Variants in SORCS3 observed in about 807,000 individuals in gnomAD.
SORCS3 encodes the protein sortilin related VPS10 domain containing receptor 3.
A neutral mutation model predicts 146.3 loss-of-function variants in SORCS3; 57 were observed. That is an observed-to-expected ratio of 0.39 (90% CI 0.31 to 0.49). The LOEUF is 0.49. Among genes scored for constraint, SORCS3 ranks in the 20% least tolerant of loss-of-function variants. The pLI, the probability that SORCS3 is intolerant of heterozygous loss-of-function variation, is 0.92. For missense variants in SORCS3, 1,341 were observed against 1,575.5 expected, an observed-to-expected ratio of 0.85 and a Z score of 2.52; for synonymous variants, 653 against 618.5, an observed-to-expected ratio of 1.06 and a Z score of -0.83.
chr10:104,933,732 T>C (rs980145867), intron 3 of SORCS3, among the ~76,000 whole-genome samples: 1 of 152,242 alleles, frequency 6.6e-6, no homozygotes, highest in Non-Finnish European at 1.5e-5. Context: ...CCCATCTTTA[T>C]GCTGGGTCTC....
intron 6 of SORCS3, among the ~76,000 whole-genome samples, chr10:105,091,615 A>G (rs1002552227): frequency 2.7e-5 from 4 of 150,534 alleles, no homozygotes; most frequent in African/African-American, 9.9e-5. Context: ...ATAGATGTAA[A>G]TCGGTGAGAC....
chr10:105,007,820 C>T (rs747077090), intron 4 of SORCS3, among the ~76,000 whole-genome samples: 2 of 152,094 alleles, frequency 1.3e-5, no homozygotes, highest in Non-Finnish European at 2.9e-5. Flanking sequence ...ATGGCCTGGT[C>T]CTGCCTTCAA....
chr10:104,654,910 C>A (rs2015607356), intron 1 of SORCS3, among the ~76,000 whole-genome samples: 1 of 152,138 alleles, frequency 6.6e-6, no homozygotes, highest in South Asian at 2.1e-4. Flanking sequence ...GAGCCATTTG[C>A]TATTTACACT....
At chr10:104,902,468 A>G (rs1564709589) in intron 2 of SORCS3, among the ~76,000 whole-genome samples, 1 of 152,258 alleles carries the variant, frequency 6.6e-6, no homozygotes, top group Non-Finnish European at 1.5e-5. Flanking sequence ...AGGCTTTTGC[A>G]TGGATTGACC....
intron 8 of SORCS3, 114 bp from the exon 9 acceptor site, chr10:105,147,503 C>G (rs1436421076): frequency 1.2e-6 from 1 of 852,018 alleles, no homozygotes; most frequent in African/African-American, 1.7e-5. Flanking sequence ...TTAACATTGC[C>G]TATAACTCAA....
At chr10:104,926,816 A>G (rs2019152245) in intron 3 of SORCS3, among the ~76,000 whole-genome samples, 1 of 152,254 alleles carries the variant, frequency 6.6e-6, no homozygotes, top group Admixed American at 6.5e-5. Context: ...TGCTCTGGCC[A>G]AGAATTTATT....
At chr10:104,648,750 A>C (rs1310746958) in intron 1 of SORCS3, among the ~76,000 whole-genome samples, 2 of 152,226 alleles carry the variant, frequency 1.3e-5, no homozygotes, top group Non-Finnish European at 2.9e-5. Flanking sequence ...TTAATTATTT[A>C]TAGAAATACT....
At chr10:104,963,138 A>T (rs925867467) in intron 3 of SORCS3, among the ~76,000 whole-genome samples, 2 of 152,226 alleles carry the variant, frequency 1.3e-5, no homozygotes, top group African/African-American at 4.8e-5. Context: ...ACAGGTGCAT[A>T]AACCTTTTAT....
chr10:104,722,182 C>T (rs2016557884), intron 1 of SORCS3, among the ~76,000 whole-genome samples: 2 of 152,116 alleles, frequency 1.3e-5, no homozygotes, highest in South Asian at 2.1e-4. Context: ...GAGTTTTTAG[C>T]ATGAAGGGTT....
chr10:105,062,583 G>A (rs934380637), intron 5 of SORCS3, among the ~76,000 whole-genome samples: 3 of 152,196 alleles, frequency 2.0e-5, no homozygotes, highest in Admixed American at 6.5e-5. Context: ...TATTTCAGCG[G>A]TTGGAGAGGT....
chr10:104,711,144 A>G (rs754748988), intron 1 of SORCS3, among the ~76,000 whole-genome samples: 1 of 152,224 alleles, frequency 6.6e-6, no homozygotes, highest in Admixed American at 6.5e-5. Flanking sequence ...ACAATATACC[A>G]GGTACTGTTC....
intron 1 of SORCS3, among the ~76,000 whole-genome samples, chr10:104,662,183 C>T (rs887250382): frequency 1.8e-4 from 27 of 152,072 alleles, no homozygotes; most frequent in Admixed American, 1.3e-4. Flanking sequence ...CAGGATATTA[C>T]AGAGTTTGTG....
chr10:104,815,870 G>A (rs1319104506), intron 1 of SORCS3, among the ~76,000 whole-genome samples: 4 of 152,120 alleles, frequency 2.6e-5, no homozygotes, highest in Non-Finnish European at 5.9e-5. Flanking sequence ...ATATTCATAC[G>A]TTTTTTCCCC....
At chr10:105,143,626 T>C (rs949602041) in intron 8 of SORCS3, among the ~76,000 whole-genome samples, 1 of 152,212 alleles carries the variant, frequency 6.6e-6, no homozygotes, top group Non-Finnish European at 1.5e-5. Context: ...GTATTAGAGA[T>C]AAAGTGATAC....
Position 104,641,664 on chromosome 10 carries a change from G to T in SORCS3, c.337G>T (p.Glu113Ter). 6.6e-7 allele frequency: 1 copy of T among 1,525,770 alleles called. No homozygotes were observed. Among genetic ancestry groups the T allele is most frequent in the Non-Finnish European group, 8.8e-7 (1 of 1,140,956 alleles). 94.5% of individuals were successfully genotyped at this position (1,525,770 alleles called of 1,614,324 possible). ...VEAGGTSPAG[E>*]RRGRGIPAPA... ...AGCCGGAGGGACATCACCGGCAGGC[G>T]AGCGGCGGGGCCGGGGCATCCCAGC... The change falls in exon 1 of 27, where the codon GAG becomes TAG. Residue 113 changes from glutamate (E) to a stop codon, truncating the protein, a stop_gained. Coordinates refer to ENST00000369701, the MANE Select transcript of SORCS3 (RefSeq NM_014978.3). LOFTEE classifies it high-confidence loss of function. The surrounding 1 kb of genome is among the most constrained non-coding windows in gnomAD (Gnocchi z 6.4).
At chr10:104,726,461 G>A (rs1327007069) in intron 1 of SORCS3, among the ~76,000 whole-genome samples, 1 of 152,140 alleles carries the variant, frequency 6.6e-6, no homozygotes, top group Non-Finnish European at 1.5e-5. Context: ...GGTTGGGTAA[G>A]GCCTGCGTGT....
At chr10:104,866,885 A>G (rs1474388044) in intron 2 of SORCS3, among the ~76,000 whole-genome samples, 1 of 152,200 alleles carries the variant, frequency 6.6e-6, no homozygotes, top group African/African-American at 2.4e-5. Context: ...TTTTAATAAG[A>G]ACAGGAAGAA....
chr10:105,250,855 T>G (rs2056894111), intron 22 of SORCS3, among the ~76,000 whole-genome samples: 1 of 152,228 alleles, frequency 6.6e-6, no homozygotes, highest in Non-Finnish European at 1.5e-5. Context: ...CTTACTTCCC[T>G]GCGGGCTGGC....
At chr10:104,706,592 C>G (rs181693130) in intron 1 of SORCS3, among the ~76,000 whole-genome samples, 48 of 152,270 alleles carry the variant, frequency 3.2e-4, no homozygotes, top group African/African-American at 6.7e-4. Flanking sequence ...TTTAATGAAC[C>G]TGGTTCCACC....
Sources: allele counts gnomAD v4.1 joint callset (sites outside exome capture counted in the v4.1 genomes callset), GRCh38; gene constraint gnomAD v4.1.1; non-coding constraint Gnocchi (gnomAD v3.1); transcripts MANE v1.5; gene names NCBI Gene and HGNC (gene_info 2026-07-23, HGNC 2026-07-21).